AADACL2: variants seen among roughly 807,000 people sequenced by gnomAD.
AADACL2 encodes arylacetamide deacetylase like 2, also known as arylacetamide deacetylase-like 2.
In AADACL2, 23 loss-of-function variants were observed where a neutral mutation model predicts 22.3. The ratio of observed to expected loss-of-function variants is 1.03; its 90% CI spans 0.74 to 1.46. AADACL2 has a LOEUF of 1.46. Among genes scored for constraint, AADACL2 ranks in the 40% most tolerant of loss-of-function variants. The pLI is 0.00. For synonymous variants in AADACL2, 177 were observed against 166.2 expected, an observed-to-expected ratio of 1.07 and a Z score of -0.50; for missense variants, 472 against 482.9, an observed-to-expected ratio of 0.98 and a Z score of 0.21.
chr3:151,744,010 G>A, intron 2 of AADACL2, 83 bp from the exon 3 acceptor site: 4 of 1,435,174 alleles, frequency 2.8e-6, no homozygotes, highest in Admixed American at 1.7e-5. Flanking sequence ...ACAAACCACA[G>A]TTATTTCCAC....
chr3:151,739,633 G>A (rs1434351211), intron 1 of AADACL2, among the ~76,000 whole-genome samples: 3 of 152,210 alleles, frequency 2.0e-5, no homozygotes, highest in Non-Finnish European at 4.4e-5. Context: ...TCCCCCAGGT[G>A]CTCTGTCTCA....
intron 4 of AADACL2, among the ~76,000 whole-genome samples, chr3:151,753,877 G>A (rs954045780): frequency 3.3e-5 from 5 of 152,018 alleles, no homozygotes; most frequent in Non-Finnish European, 5.9e-5. Flanking sequence ...AGATGATGGG[G>A]GGCAAAGTGC....
intron 1 of AADACL2, among the ~76,000 whole-genome samples, chr3:151,738,612 T>G (rs1480899794): frequency 6.6e-6 from 1 of 152,216 alleles, no homozygotes; most frequent in Non-Finnish European, 1.5e-5. Context: ...CCATTCTCCT[T>G]GTCACTTTCA....
intron 2 of AADACL2, among the ~76,000 whole-genome samples, chr3:151,743,545 T>C (rs1017212016): frequency 6.6e-6 from 1 of 152,218 alleles, no homozygotes; most frequent in Non-Finnish European, 1.5e-5. Context: ...ATCTAGTTAT[T>C]ATTCCTTAGA....
chr3:151,736,648 A>G (rs1035296549), intron 1 of AADACL2, among the ~76,000 whole-genome samples: 24 of 152,320 alleles, frequency 1.6e-4, no homozygotes, highest in African/African-American at 5.8e-4. Context: ...TGCAAAGGAC[A>G]TGAACTCATT....
In AADACL2 at chr3:151,761,196, C is replaced by T. The variant is rs28509431; in HGVS notation, c.*3602C>T. ...ATTTATATATATGGTGAGATATATA[C>T]ATATTGTGATATATATATATATATA... is the stretch of plus-strand genomic sequence containing the variant. On this transcript the variant is annotated 3_prime_UTR_variant, in exon 5 of 5. Coordinates refer to ENST00000356517, the MANE Select transcript of AADACL2 (RefSeq NM_207365.4). 75 of 72,558 alleles carry T rather than the reference C, an allele frequency of 1.0e-3. No homozygotes were observed. Among genetic ancestry groups the T allele is most frequent in the East Asian group, 2.5e-3 (7 of 2,774 alleles). The allele number at this position is 72,558 out of a possible 1,614,324, so 4.5% of individuals were successfully genotyped here.
At chr3:151,738,862 T>C (rs1713183737) in intron 1 of AADACL2, among the ~76,000 whole-genome samples, 1 of 152,216 alleles carries the variant, frequency 6.6e-6, no homozygotes, top group South Asian at 2.1e-4. Context: ...TTTATGTTCT[T>C]CTCTAAACTG....
intron 1 of AADACL2, among the ~76,000 whole-genome samples, chr3:151,739,479 G>A (rs1218363032): frequency 6.6e-6 from 1 of 152,170 alleles, no homozygotes. Flanking sequence ...AGGGGTCAGC[G>A]AACCATTTGA....
chr3:151,742,415 A>G (rs1713311326), intron 2 of AADACL2, among the ~76,000 whole-genome samples: 1 of 152,246 alleles, frequency 6.6e-6, no homozygotes, highest in African/African-American at 2.4e-5. Flanking sequence ...ACAGTTTGAG[A>G]TAAAAATGGG....
chr3:151,739,846 T>C (rs570534964), intron 1 of AADACL2, among the ~76,000 whole-genome samples: 29 of 152,274 alleles, frequency 1.9e-4, no homozygotes, highest in African/African-American at 6.7e-4. Context: ...TCAGTAATGA[T>C]AGACCCCTCT....
In AADACL2 at chr3:151,745,488, TTTA is replaced by T. The variant is rs1713409526; in HGVS notation, c.432-15_432-13del. The stretch of plus-strand genomic sequence containing the variant: ...GATGGACAGATACAACCATAAATGC[TTTA>T]TTATTCTTTCTTTAAAGCTATAGGC... On this transcript the variant is annotated intron_variant, in intron 3 of 4. Coordinates refer to ENST00000356517, the MANE Select transcript of AADACL2 (RefSeq NM_207365.4). 6.2e-7 allele frequency: 1 copy of T among 1,601,246 alleles called. No homozygotes were observed. Among genetic ancestry groups the T allele is most frequent in the South Asian group, 1.1e-5 (1 of 87,538 alleles).
chr3:151,747,632 G>A (rs1050011632), intron 4 of AADACL2, among the ~76,000 whole-genome samples: 1 of 151,304 alleles, frequency 6.6e-6, no homozygotes, highest in Non-Finnish European at 1.5e-5. Context: ...GTGTGTGTGT[G>A]TGTGTGTAGA....
At chr3:151,751,201 C>T (rs1281863238) in intron 4 of AADACL2, among the ~76,000 whole-genome samples, 4 of 152,048 alleles carry the variant, frequency 2.6e-5, no homozygotes. Context: ...TTGGAGAATG[C>T]CCTGCTTAGA....
At chr3:151,740,534 T>C (rs1323220446) in intron 1 of AADACL2, 112 bp from the exon 2 acceptor site, 1 of 691,134 alleles carries the variant, frequency 1.4e-6, no homozygotes. Context: ...AAATAGTCTA[T>C]TTCTTTTTGT....
At chr3:151,742,562 A>G (rs1560282411) in intron 2 of AADACL2, among the ~76,000 whole-genome samples, 3 of 152,206 alleles carry the variant, frequency 2.0e-5, no homozygotes, top group African/African-American at 7.2e-5. Context: ...TAAGACCTCA[A>G]GGTCTCTGGA....
At position 151,757,056 on chromosome 3, in the gene AADACL2, A is replaced by C. The variant is rs773798017; in HGVS notation, c.668A>C (p.Gln223Pro). The change falls in exon 5 of 5, where the codon CAG becomes CCG. Residue 223 changes from glutamine to proline, a missense_variant. Physicochemically the swap from Gln to Pro is moderately conservative, Grantham distance 76. Coordinates refer to ENST00000356517, the MANE Select transcript of AADACL2 (RefSeq NM_207365.4). ...CAAGTCTTACTTTACCCTGGCTTACAGATAACAGATTCTTATTTGCCATCT... is the reference window on the plus strand; with the variant it reads ...CAAGTCTTACTTTACCCTGGCTTACCGATAACAGATTCTTATTTGCCATCT... The part of the protein sequence containing the change: ...KMQVLLYPGL[Q>P]ITDSYLPSHR... The C allele has an allele frequency of 3.1e-6, 5 of 1,612,892 alleles. No individual in the cohort carries two copies. The highest frequency in any genetic ancestry group is 1.7e-5 in the Admixed American group (1 of 59,934).
intron 4 of AADACL2, among the ~76,000 whole-genome samples, chr3:151,745,940 T>C (rs973561906): frequency 2.0e-5 from 3 of 152,160 alleles, no homozygotes; most frequent in Admixed American, 6.6e-5. Context: ...TAGTATTCCA[T>C]ATCTTTCCCA....
intron 2 of AADACL2, among the ~76,000 whole-genome samples, chr3:151,742,395 A>C (rs995352437): frequency 6.6e-6 from 1 of 152,234 alleles, no homozygotes; most frequent in African/African-American, 2.4e-5. Flanking sequence ...CAAATATTCT[A>C]TGAGTACAGA....
chr3:151,753,166 G>A (rs758647794), intron 4 of AADACL2, among the ~76,000 whole-genome samples: 15 of 152,124 alleles, frequency 9.9e-5, no homozygotes, highest in Admixed American at 9.2e-4. Context: ...TTACCTCTGT[G>A]TAATCACTGC....
Sources: allele counts gnomAD v4.1 joint callset (sites outside exome capture counted in the v4.1 genomes callset), GRCh38; gene constraint gnomAD v4.1.1; transcripts MANE v1.5; gene names NCBI Gene and HGNC (gene_info 2026-07-23, HGNC 2026-07-21).